The following APOL3 variants were observed in gnomAD, a reference collection of about 807,000 sequenced individuals.
APOL3 encodes the protein apolipoprotein L3, also known as TNF-inducible protein CG12-1.
Under a neutral mutation model 11.6 loss-of-function variants are expected in APOL3, and 14 were observed. The ratio of observed to expected loss-of-function variants is 1.21; its 90% CI spans 0.80 to 1.89. The LOEUF (loss-of-function observed/expected upper bound fraction) is 1.89. Among genes scored for constraint, APOL3 ranks in the 40% most tolerant of loss-of-function variants. APOL3 has a pLI of 0.00. For synonymous variants in APOL3, 192 were observed against 190.6 expected (o/e 1.01, Z -0.06); for missense variants, 483 against 492.1 (o/e 0.98, Z 0.17).
chr22:36,149,933 A>G, intron 1 of APOL3: 1 of 456,130 alleles, frequency 2.2e-6, no homozygotes, highest in Non-Finnish European at 4.4e-6. Flanking sequence ...CAACTTCCCA[A>G]GTAGTTGTCC....
exon 3 of APOL3, chr22:36,141,203 G>C (rs2146717312): frequency 6.2e-7 from 1 of 1,612,510 alleles, no homozygotes; most frequent in Non-Finnish European, 8.5e-7. Context: ...TCTGGGGTCA[G>C]TGGGTATGGC....
At chr22:36,149,324 C>G in intron 1 of APOL3, 182 bp from the exon 2 acceptor site, 1 of 1,306,226 alleles carries the variant, frequency 7.7e-7, no homozygotes, top group Non-Finnish European at 1.0e-6. Context: ...TCTACTTGCT[C>G]CAGCTCCCTC....
At chr22:36,156,878 C>T (rs988372120) in intron 1 of APOL3, 1 of 450,546 alleles carries the variant, frequency 2.2e-6, no homozygotes, top group African/African-American at 2.0e-5. Context: ...CACAGCCTGG[C>T]TGAAATCCGA....
chr22:36,155,664 AC>A, intron 1 of APOL3: 1 of 161,004 alleles, frequency 6.2e-6, no homozygotes. Flanking sequence ...AGCCATAAGG[AC>A]CAGGAGCCAG....
chr22:36,141,603 A>G (rs761762226), exon 3 of APOL3: 2 of 1,614,178 alleles, frequency 1.2e-6, no homozygotes, highest in Admixed American at 3.3e-5. Context: ...GTCACGCATA[A>G]CTTCCTTAAA....
upstream of APOL3, among the ~76,000 whole-genome samples, chr22:36,163,323 A>C (rs2146914699): frequency 6.6e-6 from 1 of 152,312 alleles, no homozygotes. Context: ...TTAGAGGTTT[A>C]CAGCCGGGAA....
chr22:36,162,769 T>A (rs1569530146), upstream of APOL3, among the ~76,000 whole-genome samples: 1 of 152,226 alleles, frequency 6.6e-6, no homozygotes, highest in Non-Finnish European at 1.5e-5. Context: ...ATCTCCTCAG[T>A]TAAAGGATCC....
At chr22:36,142,097 T>G (rs771737313) in intron 2 of APOL3, 39 bp from the exon 4 acceptor site, 1 of 1,546,774 alleles carries the variant, frequency 6.5e-7, no homozygotes, top group East Asian at 2.2e-5. Flanking sequence ...AAAGGCAGCT[T>G]ACTTATCTGT....
chr22:36,159,136 A>G (rs552866152), intron 1 of APOL3: 1 of 152,326 alleles, frequency 6.6e-6, no homozygotes, highest in Admixed American at 6.5e-5. Context: ...CCTGCTGGGC[A>G]TCACCTGGAT....
At chr22:36,154,422 A>G (rs1388180581) in intron 1 of APOL3, 3 of 354,506 alleles carry the variant, frequency 8.5e-6, no homozygotes, top group South Asian at 4.6e-5. Flanking sequence ...AGAAAAGGCT[A>G]AAACAGGGTA....
At chr22:36,152,327 C>T (rs1396006249) in intron 1 of APOL3, among the ~76,000 whole-genome samples, 1 of 152,188 alleles carries the variant, frequency 6.6e-6, no homozygotes, top group African/African-American at 2.4e-5. Flanking sequence ...CCATATTGTA[C>T]AACTCAGCTC....
chr22:36,162,420 A>G (rs1433123410), upstream of APOL3, among the ~76,000 whole-genome samples: 1 of 152,236 alleles, frequency 6.6e-6, no homozygotes, highest in Non-Finnish European at 1.5e-5. Flanking sequence ...GTTTTATTAT[A>G]CAAAAGCCCC....
chr22:36,161,735 G>A (rs765238266), upstream of APOL3, among the ~76,000 whole-genome samples: 4 of 151,806 alleles, frequency 2.6e-5, no homozygotes, highest in Admixed American at 6.6e-5. Flanking sequence ...GGGAGTAAAA[G>A]ACAAAGACAA....
At chr22:36,151,748 T>A (rs202107006) in intron 1 of APOL3, among the ~76,000 whole-genome samples, 1 of 151,676 alleles carries the variant, frequency 6.6e-6, no homozygotes, top group Non-Finnish European at 1.5e-5. Context: ...AGTCCAGGAG[T>A]TCTAGACCAG....
intron 1 of APOL3, among the ~76,000 whole-genome samples, chr22:36,152,862 A>G (rs1392594114): frequency 1.3e-5 from 2 of 152,302 alleles, no homozygotes; most frequent in South Asian, 4.1e-4. Context: ...TAATCCCAGC[A>G]CTTTAGGAAG....
At chr22:36,160,954 C>T (rs556075837), upstream of APOL3, 1 of 1,506,952 alleles carries the variant, frequency 6.6e-7, no homozygotes, top group South Asian at 1.2e-5. Context: ...CCCAGACGTC[C>T]TTCTTGGCCA....
At chr22:36,142,520 C>T (rs2060036127) in intron 2 of APOL3, among the ~76,000 whole-genome samples, 1 of 152,170 alleles carries the variant, frequency 6.6e-6, no homozygotes, top group South Asian at 2.1e-4. Context: ...GAAGGGATCT[C>T]TGGGGCCCTG....
Position 36,141,666 on chromosome 22 carries a change from G to A in APOL3, c.743C>T (p.Ala248Val), listed in dbSNP as rs781560049. ...AGTCAGCCTGCTGGCTTCAGCTTCT[G>A]CTGATGATGTGTATGAGTGCTCCAC... The change falls in exon 3 of 3, where the codon GCA becomes GTA. Residue 248 changes from alanine to valine, a missense_variant. Ala to Val is a moderately conservative substitution (Grantham distance 64). Transcript: ENST00000349314. 5.0e-6 allele frequency: 8 copies of A among 1,614,092 alleles called. No individual in the cohort carries two copies. In the South Asian group the frequency reaches 8.8e-5, roughly 18 times the overall value.
chr22:36,145,661 G>C, intron 1 of APOL3, 62 bp from the exon 3 acceptor site: 1 of 1,586,862 alleles, frequency 6.3e-7, no homozygotes, highest in Non-Finnish European at 8.6e-7. Flanking sequence ...ATGGCATTGA[G>C]AATAAGGTGG....
Sources: gnomAD v4.1 joint callset for allele counts (sites outside exome capture counted in the v4.1 genomes callset) on GRCh38, gnomAD v4.1.1 for gene constraint, MANE v1.5 for transcripts, NCBI Gene and HGNC (gene_info 2026-07-23, HGNC 2026-07-21) for gene names.